Variants in NFASC observed in about 807,000 individuals in gnomAD.
The protein encoded by NFASC is neurofascin.
NFASC carries 43 observed loss-of-function variants against 147.5 expected under a neutral mutation model. That is an observed-to-expected ratio of 0.29 (90% confidence interval 0.23 to 0.38). The LOEUF (loss-of-function observed/expected upper bound fraction) is 0.38. Ranked by LOEUF, NFASC falls within the 10% of genes least tolerant of loss-of-function variation. The pLI is 1.00. For synonymous variants in NFASC, 622 were observed against 665.5 expected (o/e 0.93, Z 1.01); for missense variants, 1,320 against 1,689.0 (o/e 0.78, Z 3.83).
In NFASC at chr1:204,890,576, TTC is replaced by T. The variant is rs1357176756; in HGVS notation, c.-199-30054_-199-30053del. Among the ~76,000 whole-genome samples the T allele has an allele frequency of 7.2e-4, 109 of 151,182 alleles. 1 individual carries two copies. The highest frequency in any genetic ancestry group is 4.6e-3 in the South Asian group (22 of 4,740). ...AAAGCAGGGAGGCACTTTTTTTTTT[TTC>T]TTTTTTTTTGAGATGGAGTCTCACT... On this transcript the variant is annotated intron_variant, in intron 1 of 29. Coordinates refer to ENST00000339876, the MANE Select transcript of NFASC (RefSeq NM_001005388.3).
At position 204,975,352 on chromosome 1, in the gene NFASC, A is replaced by G. The variant is rs374030108; in HGVS notation, c.1640A>G (p.His547Arg). ...TTVQLECRVK[H>R]DPSLKLTVSW... ...GTGCAGCTGGAGTGTCGGGTGAAGC[A>G]CGACCCCTCCCTGAAACTCACCGTC... The change falls in exon 15 of 30, where the codon CAC becomes CGC. Residue 547 changes from histidine to arginine, a missense_variant. His to Arg is a conservative substitution (Grantham distance 29). Around this residue, in one of 3 missense-constraint regions of NFASC, gnomAD observed 981 missense variants for 1,289.5 expected, o/e 0.76. Coordinates refer to ENST00000339876, the MANE Select transcript of NFASC (RefSeq NM_001005388.3). This position sits in a 1 kb window ranked among gnomAD's most constrained non-coding sequence, Gnocchi z 4.0. 99 of 1,614,062 alleles carry G rather than the reference A, an allele frequency of 6.1e-5. 1 individual carries two copies. The South Asian group carries it at 9.0e-4, about 15-fold the overall frequency.
chr1:204,945,804 A>G (rs571717628), intron 3 of NFASC, among the ~76,000 whole-genome samples: 2 of 152,296 alleles, frequency 1.3e-5, no homozygotes, highest in South Asian at 4.1e-4. Context: ...CAGACAGTCT[A>G]ATAAGGAGCC....
intron 21 of NFASC, among the ~76,000 whole-genome samples, chr1:204,982,296 G>A (rs115745218): frequency 7.1e-4 from 108 of 152,290 alleles, no homozygotes; most frequent in Middle Eastern, 3.4e-3. Context: ...GAAAACCCTC[G>A]GCAGTGTTCC....
At chr1:204,869,891 T>G (rs1290471342) in intron 1 of NFASC, among the ~76,000 whole-genome samples, 2 of 152,240 alleles carry the variant, frequency 1.3e-5, no homozygotes, top group African/African-American at 4.8e-5. Context: ...AATATTCTGC[T>G]GAATATTTGT....
intron 27 of NFASC, 27 bp downstream of exon 27, chr1:205,002,775 C>G: frequency 7.1e-7 from 1 of 1,411,732 alleles, no homozygotes. Context: ...CCTGGCCATC[C>G]CCTGCAAGCA....
chr1:204,898,449 C>T (rs1311186468), intron 1 of NFASC, among the ~76,000 whole-genome samples: 3 of 152,190 alleles, frequency 2.0e-5, no homozygotes, highest in Non-Finnish European at 4.4e-5. Flanking sequence ...GTATAGATCG[C>T]TCTTTTTATC....
At chr1:204,962,665 C>T (rs1045871780) in intron 8 of NFASC, among the ~76,000 whole-genome samples, 1 of 152,130 alleles carries the variant, frequency 6.6e-6, no homozygotes, top group South Asian at 2.1e-4. Context: ...AGTGAGGTCC[C>T]GTGTCTCTTT....
At chr1:204,964,673 G>A (rs2094852601) in intron 8 of NFASC, among the ~76,000 whole-genome samples, 1 of 152,194 alleles carries the variant, frequency 6.6e-6, no homozygotes, top group Non-Finnish European at 1.5e-5. Flanking sequence ...GAGCAAGAGA[G>A]GTGAATGAGA....
chr1:204,975,057 T>C lies in NFASC; in HGVS notation c.1559-214T>C, dbSNP rs1390997718. ...CACTACCAGCCCAGAAATTACATCA[T>C]ATATTCCTGAGCCAGATGGAGTGGA... On this transcript the variant is annotated intron_variant, in intron 14 of 29. Coordinates refer to ENST00000339876, the MANE Select transcript of NFASC (RefSeq NM_001005388.3). The surrounding 1 kb of genome is among the most constrained non-coding windows in gnomAD (Gnocchi z 4.0). 6.6e-6 allele frequency among the ~76,000 whole-genome samples: 1 copy of C among 152,214 alleles called. No individual in the cohort carries two copies. Among genetic ancestry groups the C allele is most frequent in the East Asian group, 1.9e-4 (1 of 5,196 alleles).
intron 2 of NFASC, among the ~76,000 whole-genome samples, chr1:204,927,058 G>A (rs371868463): frequency 4.6e-5 from 7 of 152,276 alleles, no homozygotes; most frequent in African/African-American, 1.7e-4. Flanking sequence ...CTGGATGACA[G>A]AGGGAGACTC....
intron 24 of NFASC, chr1:204,993,664 G>T: frequency 2.2e-6 from 1 of 459,996 alleles, no homozygotes; most frequent in South Asian, 1.5e-5. Flanking sequence ...GTCTCTGCCC[G>T]CTGTCCTTGG....
chr1:204,936,711 C>T (rs2149677642), intron 2 of NFASC, among the ~76,000 whole-genome samples: 1 of 152,326 alleles, frequency 6.6e-6, no homozygotes, highest in South Asian at 2.1e-4. Context: ...GGCCCATTGA[C>T]ATTCTGCCCT....
intron 1 of NFASC, among the ~76,000 whole-genome samples, chr1:204,842,033 C>T (rs768726947): frequency 2.6e-5 from 4 of 152,174 alleles, no homozygotes; most frequent in Non-Finnish European, 5.9e-5. Context: ...TACATCTATA[C>T]CTGGAGTAGA....
chr1:204,861,050 A>G (rs1184229266), intron 1 of NFASC, among the ~76,000 whole-genome samples: 1 of 132,060 alleles, frequency 7.6e-6, no homozygotes, highest in Non-Finnish European at 1.6e-5. Context: ...ATTTTTGTGT[A>G]CAAGTTTTAG....
intron 1 of NFASC, among the ~76,000 whole-genome samples, chr1:204,919,037 G>A (rs2089915430): frequency 1.3e-5 from 2 of 149,054 alleles, no homozygotes; most frequent in African/African-American, 4.9e-5. Flanking sequence ...TTGTTTGTTT[G>A]TTTTTGAGAC....
chr1:205,016,475 A>T lies in NFASC; in HGVS notation c.3659A>T (p.Glu1220Val), dbSNP rs1260295133. The change falls in exon 30 of 30, where the codon GAA becomes GTA. Residue 1220 changes from glutamate (E) to valine (V), a missense_variant. Coordinates refer to ENST00000339876, the MANE Select transcript of NFASC (RefSeq NM_001005388.3). This position sits in a 1 kb window ranked among gnomAD's most constrained non-coding sequence, Gnocchi z 5.1. ...TACACGGTCAAAAAGGACAAGGAGG[A>T]AACAGAGGGCAACGAAAGCTCAGAG... ...GQYTVKKDKE[E>V]TEGNESSEAT... 6.2e-7 allele frequency: 1 copy of T among 1,614,150 alleles called. No individual in the cohort carries two copies. The highest frequency in any genetic ancestry group is 1.3e-5 in the African/African-American group (1 of 75,014).
chr1:204,887,403 A>G (rs1021952016), intron 1 of NFASC, among the ~76,000 whole-genome samples: 3 of 152,180 alleles, frequency 2.0e-5, no homozygotes, highest in African/African-American at 7.2e-5. Flanking sequence ...TCCATTGTCA[A>G]TGGACATTTG....
chr1:204,878,261 A>G (rs1293666960), intron 1 of NFASC, among the ~76,000 whole-genome samples: 3 of 152,258 alleles, frequency 2.0e-5, no homozygotes, highest in Non-Finnish European at 4.4e-5. Context: ...TCAAGGGCAA[A>G]GAAACTGAGG....
At chr1:204,984,672 G>A (rs1201764021) in intron 21 of NFASC, among the ~76,000 whole-genome samples, 1 of 152,002 alleles carries the variant, frequency 6.6e-6, no homozygotes, top group Non-Finnish European at 1.5e-5. Context: ...TGCCCTCCCT[G>A]TTGTCGCAGC....
Sources: allele counts gnomAD v4.1 joint callset (sites outside exome capture counted in the v4.1 genomes callset), GRCh38; gene constraint gnomAD v4.1.1; regional missense constraint gnomAD v4.1.1; non-coding constraint Gnocchi (gnomAD v3.1); transcripts MANE v1.5; gene names NCBI Gene and HGNC (gene_info 2026-07-23, HGNC 2026-07-21).